MTHFD1L: variants seen among roughly 807,000 people sequenced by gnomAD.
MTHFD1L encodes methylenetetrahydrofolate dehydrogenase (NADP+ dependent) 1 like, also known as monofunctional C1-tetrahydrofolate synthase, mitochondrial.
In MTHFD1L, 81 loss-of-function variants were observed where a neutral mutation model predicts 119.5. The observed-to-expected ratio is 0.68, with a 90% CI of 0.57 to 0.82. MTHFD1L has a LOEUF of 0.82. MTHFD1L is among the 40% of genes least tolerant of loss of function. The pLI is 0.00. For missense variants in MTHFD1L, 1,125 were observed against 1,253.4 expected, an observed-to-expected ratio of 0.90 and a Z score of 1.55; for synonymous variants, 430 against 475.2, an observed-to-expected ratio of 0.90 and a Z score of 1.24.
intron 26 of MTHFD1L, among the ~76,000 whole-genome samples, chr6:151,066,285 A>G (rs997505373): frequency 2.6e-5 from 4 of 151,514 alleles, no homozygotes; most frequent in African/African-American, 9.7e-5. Context: ...AAATACAAAA[A>G]AATCAGCCTG....
chr6:150,966,301 C>G (rs1429145662), intron 19 of MTHFD1L, among the ~76,000 whole-genome samples: 1 of 152,084 alleles, frequency 6.6e-6, no homozygotes, highest in Non-Finnish European at 1.5e-5. Context: ...GACAAGTCTT[C>G]ACATGGCAGA....
In MTHFD1L at chr6:150,926,551, C is replaced by T. The variant is rs574067617; in HGVS notation, c.1256+256C>T. 2.6e-5 allele frequency among the ~76,000 whole-genome samples: 4 copies of T among 152,222 alleles called. No individual in the cohort carries two copies. The highest frequency in any genetic ancestry group is 2.6e-4 in the Admixed American group (4 of 15,244). On this transcript the variant is annotated intron_variant, in intron 11 of 27. Transcript: ENST00000367321. The surrounding 1 kb of genome is among the most constrained non-coding windows in gnomAD (Gnocchi z 4.3). ...TGTTTCTCATATTATGTTGTTATTACCCCTGCTCCTCCTTGACTTTTTGAA... is the reference window on the plus strand; with the variant it reads ...TGTTTCTCATATTATGTTGTTATTATCCCTGCTCCTCCTTGACTTTTTGAA...
At chr6:151,029,630 C>G (rs1785063494) in intron 24 of MTHFD1L, among the ~76,000 whole-genome samples, 1 of 151,932 alleles carries the variant, frequency 6.6e-6, no homozygotes, top group Non-Finnish European at 1.5e-5. Context: ...AACCCTGTCT[C>G]TACTAAAAAT....
At chr6:150,894,169 G>A (rs909162959) in intron 7 of MTHFD1L, among the ~76,000 whole-genome samples, 2 of 152,096 alleles carry the variant, frequency 1.3e-5, no homozygotes, top group South Asian at 2.1e-4. Flanking sequence ...TGGGGAGGTC[G>A]AGGTTGCAGT....
rs1203076342 is a variant in MTHFD1L, at chr6:151,092,452, G to C, written c.2848-15G>C. 1.9e-6 allele frequency: 3 copies of C among 1,601,604 alleles called. No individual in the cohort carries two copies. Among genetic ancestry groups the C allele is most frequent in the Non-Finnish European group, 1.7e-6 (2 of 1,173,786 alleles). ...TAGCATTTGCTAATCTGTAACGCTT[G>C]GTTTTCTCCCCCAGATGAGCACCAT... On this transcript the variant is annotated splice_polypyrimidine_tract_variant and intron_variant, in intron 26 of 27. Transcript: ENST00000367321.
chr6:150,963,670 A>G (rs1796778719), intron 18 of MTHFD1L, among the ~76,000 whole-genome samples: 1 of 152,248 alleles, frequency 6.6e-6, no homozygotes, highest in African/African-American at 2.4e-5. Flanking sequence ...GGATTCTACC[A>G]CTGCATCTGT....
chr6:150,872,717 A>G (rs1269656154), intron 1 of MTHFD1L, among the ~76,000 whole-genome samples: 1 of 152,222 alleles, frequency 6.6e-6, no homozygotes, highest in Non-Finnish European at 1.5e-5. Flanking sequence ...ACAGGTTGCC[A>G]CAAACTTTCA....
intron 7 of MTHFD1L, among the ~76,000 whole-genome samples, chr6:150,890,061 C>T (rs1406012645): frequency 6.6e-6 from 1 of 152,054 alleles, no homozygotes; most frequent in Non-Finnish European, 1.5e-5. Context: ...GAGGCTGAGG[C>T]AGGAGAATTG....
chr6:151,092,181 G>T (rs1273482503), intron 26 of MTHFD1L, among the ~76,000 whole-genome samples: 4 of 152,116 alleles, frequency 2.6e-5, no homozygotes, highest in Non-Finnish European at 5.9e-5. Flanking sequence ...TTATTGAGAA[G>T]AAAAGGTTTG....
intron 26 of MTHFD1L, among the ~76,000 whole-genome samples, chr6:151,047,435 T>G (rs928418199): frequency 6.6e-6 from 1 of 152,108 alleles, no homozygotes; most frequent in Non-Finnish European, 1.5e-5. Flanking sequence ...TAATTTATGT[T>G]GGATTAAATG....
intron 26 of MTHFD1L, among the ~76,000 whole-genome samples, chr6:151,085,265 A>G (rs1431254860): frequency 6.6e-6 from 1 of 152,098 alleles, no homozygotes; most frequent in Non-Finnish European, 1.5e-5. Context: ...AAAACTTTAT[A>G]GTCTTCTTTA....
intron 27 of MTHFD1L, chr6:151,099,497 G>A: frequency 7.3e-7 from 1 of 1,368,796 alleles, no homozygotes; most frequent in South Asian, 1.2e-5. Context: ...GCTGCCTATG[G>A]AGGTGGCAGC....
chr6:150,866,483 T>A (rs979311442), intron 1 of MTHFD1L: 1 of 1,317,004 alleles, frequency 7.6e-7, no homozygotes, highest in African/African-American at 1.6e-5. Context: ...TGGCCCGGGG[T>A]TCGGGAAGGG....
At chr6:150,894,588 C>T (rs1443411167) in intron 7 of MTHFD1L, among the ~76,000 whole-genome samples, 1 of 152,198 alleles carries the variant, frequency 6.6e-6, no homozygotes, top group Non-Finnish European at 1.5e-5. Context: ...CCTCTTCCTT[C>T]CCATGCCTCT....
intron 26 of MTHFD1L, among the ~76,000 whole-genome samples, chr6:151,064,749 A>T (rs532838564): frequency 2.0e-5 from 3 of 152,156 alleles, no homozygotes; most frequent in African/African-American, 7.2e-5. Context: ...CAAGGTAGCA[A>T]GTGTTTGCTA....
At chr6:150,921,632 C>T (rs2128895098) in intron 9 of MTHFD1L, among the ~76,000 whole-genome samples, 1 of 152,168 alleles carries the variant, frequency 6.6e-6, no homozygotes, top group East Asian at 1.9e-4. Context: ...ACTGCAGCCT[C>T]AAACTTCTGG....
At chr6:151,085,530 G>A (rs1793712061) in intron 26 of MTHFD1L, among the ~76,000 whole-genome samples, 1 of 152,184 alleles carries the variant, frequency 6.6e-6, no homozygotes, top group South Asian at 2.1e-4. Context: ...CAGCACTTTG[G>A]GAAGCCGAGG....
intron 20 of MTHFD1L, among the ~76,000 whole-genome samples, chr6:151,000,348 A>AG (rs1391639651): frequency 6.6e-6 from 1 of 151,938 alleles, no homozygotes; most frequent in East Asian, 1.9e-4. Context: ...AAAAAAAAAA[A>AG]AAAAGAAAAA....
chr6:150,913,067 T>C lies in MTHFD1L; in HGVS notation c.893-5510T>C, dbSNP rs555542440. 5.2e-5 allele frequency: 8 copies of C among 154,876 alleles called. No individual in the cohort carries two copies. The South Asian group carries it at 7.9e-4, about 15-fold the overall frequency. The allele number at this position is 154,876 out of a possible 1,614,324, so 9.6% of individuals were successfully genotyped here. On this transcript the variant is annotated intron_variant, in intron 8 of 27. Coordinates refer to ENST00000367321, the MANE Select transcript of MTHFD1L (RefSeq NM_015440.5). ...CTCTGTCATCCAGGCAGGAATGCAG[T>C]GGCGCAACTGCAGGCCCACTGCATC...
Sources: gnomAD v4.1 joint callset for allele counts (sites outside exome capture counted in the v4.1 genomes callset) on GRCh38, gnomAD v4.1.1 for gene constraint, Gnocchi (gnomAD v3.1) non-coding constraint, MANE v1.5 for transcripts, NCBI Gene and HGNC (gene_info 2026-07-23, HGNC 2026-07-21) for gene names.